TNRC6B: variants seen among roughly 807,000 people sequenced by gnomAD.
TNRC6B encodes the protein trinucleotide repeat containing adaptor 6B.
In TNRC6B, 52 loss-of-function variants were observed where a neutral mutation model predicts 203.6. The observed-to-expected ratio is 0.26, with a 90% CI of 0.20 to 0.32. The LOEUF is 0.32. Ranked by LOEUF, TNRC6B falls within the 10% of genes least tolerant of loss-of-function variation. The pLI is 1.00. For missense variants in TNRC6B, 1,923 were observed against 2,286.2 expected, an observed-to-expected ratio of 0.84 and a Z score of 3.24; for synonymous variants, 838 against 845.7, an observed-to-expected ratio of 0.99 and a Z score of 0.16.
intron 3 of TNRC6B, among the ~76,000 whole-genome samples, chr22:40,146,872 G>A (rs1474856720): frequency 6.6e-6 from 1 of 152,118 alleles, no homozygotes; most frequent in African/African-American, 2.4e-5. Context: ...AACAAGAAAC[G>A]TTTTCTAAGT....
intron 3 of TNRC6B, among the ~76,000 whole-genome samples, chr22:40,152,823 G>A (rs1373581484): frequency 7.2e-5 from 11 of 151,880 alleles, no homozygotes; most frequent in Admixed American, 2.0e-4. Context: ...TTTTATGGCC[G>A]GGTGTGGTGG....
At chr22:40,242,387 T>C (rs1021352814) in intron 1 of TNRC6B, among the ~76,000 whole-genome samples, 6 of 152,224 alleles carry the variant, frequency 3.9e-5, no homozygotes, top group Non-Finnish European at 7.3e-5. Flanking sequence ...GTGTAACTTA[T>C]TTTCTCAACA....
At chr22:40,083,341 G>C (rs1314372284) in intron 1 of TNRC6B, among the ~76,000 whole-genome samples, 6 of 152,200 alleles carry the variant, frequency 3.9e-5, no homozygotes, top group Non-Finnish European at 5.9e-5. Flanking sequence ...ACTGAATTGA[G>C]TGCTGCTGAA....
At chr22:40,159,963 C>G (rs2068857067) in intron 4 of TNRC6B, among the ~76,000 whole-genome samples, 1 of 151,950 alleles carries the variant, frequency 6.6e-6, no homozygotes, top group South Asian at 2.1e-4. Flanking sequence ...AGGTACATAC[C>G]ACCGTACCCA....
At chr22:40,073,398 T>C (rs944344140) in intron 1 of TNRC6B, among the ~76,000 whole-genome samples, 2 of 152,100 alleles carry the variant, frequency 1.3e-5, no homozygotes, top group African/African-American at 2.4e-5. Flanking sequence ...TTTTCTAATA[T>C]GGCTGGAAAC....
chr22:40,178,982 A>T (rs1385416447), intron 1 of TNRC6B, among the ~76,000 whole-genome samples: 1 of 152,164 alleles, frequency 6.6e-6, no homozygotes, highest in Non-Finnish European at 1.5e-5. Flanking sequence ...ACGAAATAAA[A>T]TTTTTGTTTA....
At chr22:40,290,257 G>A (rs578148123) in intron 12 of TNRC6B, among the ~76,000 whole-genome samples, 6 of 152,238 alleles carry the variant, frequency 3.9e-5, no homozygotes, top group Non-Finnish European at 5.9e-5. Flanking sequence ...AAATAGCCAC[G>A]TCTGGTTCAT....
At chr22:40,083,402 TA>T (rs1236736573) in intron 1 of TNRC6B, among the ~76,000 whole-genome samples, 2 of 152,162 alleles carry the variant, frequency 1.3e-5, no homozygotes, top group African/African-American at 4.8e-5. Flanking sequence ...TTGCTGATGA[TA>T]GGGGCAGAAG....
At chr22:40,127,216 G>A (rs1051176497) in intron 3 of TNRC6B, among the ~76,000 whole-genome samples, 11 of 152,068 alleles carry the variant, frequency 7.2e-5, no homozygotes, top group African/African-American at 2.7e-4. Flanking sequence ...TGGGAGCTCT[G>A]AAAACAACTC....
rs535747312 is a variant in TNRC6B at position 40,229,380 on chromosome 22, C to CG, written c.6-16631dup. On this transcript the variant is annotated intron_variant, in intron 1 of 22. Coordinates refer to ENST00000454349, the MANE Select transcript of TNRC6B (RefSeq NM_001162501.2). Reference sequence around the variant, plus strand: ...TCAACTGATAAAGGGATCTCACTTACGGGGCTGTGTCATTCAGGGTTCTGC... The same window carrying CG: ...TCAACTGATAAAGGGATCTCACTTACGGGGGCTGTGTCATTCAGGGTTCTGC... Among the ~76,000 whole-genome samples the CG allele has an allele frequency of 2.1e-3, 326 of 151,936 alleles. 2 individuals are homozygous for CG. Among genetic ancestry groups the CG allele is most frequent in the African/African-American group, 6.8e-3 (280 of 41,412 alleles).
chr22:40,122,576 C>T (rs1048799171), intron 2 of TNRC6B, among the ~76,000 whole-genome samples: 1 of 152,142 alleles, frequency 6.6e-6, no homozygotes, highest in African/African-American at 2.4e-5. Context: ...CGTTGTTTCT[C>T]CTTCCAAACT....
intron 13 of TNRC6B, 157 bp downstream of exon 13, chr22:40,300,743 G>C: frequency 8.0e-7 from 1 of 1,245,924 alleles, no homozygotes; most frequent in South Asian, 1.5e-5. Flanking sequence ...AGGGTTGTCA[G>C]CTCAACTGGA....
chr22:40,244,740 A>G (rs1692998088), intron 1 of TNRC6B, among the ~76,000 whole-genome samples: 1 of 152,200 alleles, frequency 6.6e-6, no homozygotes, highest in African/African-American at 2.4e-5. Context: ...GGCCCTGGGA[A>G]CTAGATCTTT....
At chr22:40,125,793 A>C (rs1174795396) in exon 3 of TNRC6B, 1 of 1,606,304 alleles carries the variant, frequency 6.2e-7, no homozygotes, top group Admixed American at 1.7e-5. Flanking sequence ...GTGTTTCTGC[A>C]GAGTTTTGCA....
rs1005589596 is a variant in TNRC6B, at chr22:40,088,344, A to G, written c.-120-28711A>G. 3.9e-5 allele frequency among the ~76,000 whole-genome samples: 6 copies of G among 152,330 alleles called. No homozygotes were observed. In the South Asian group the frequency reaches 1.2e-3, roughly 32 times the overall value. On this transcript the variant is annotated intron_variant, in intron 1 of 23. Coordinates refer to the TNRC6B transcript ENST00000301923. ...GTGTTTGTGCTCTGTTCTTCCACTT[A>G]CTATGAATGCAAGAGCTTCTACATA... is the stretch of plus-strand genomic sequence containing the variant.
At chr22:40,306,286 C>T (rs1354023397) in intron 15 of TNRC6B, among the ~76,000 whole-genome samples, 3 of 151,728 alleles carry the variant, frequency 2.0e-5, no homozygotes, top group South Asian at 2.1e-4. Flanking sequence ...AGCGAGACTC[C>T]GTCTCAAAAA....
At chr22:40,047,005 T>A (rs2146258977) in intron 1 of TNRC6B, among the ~76,000 whole-genome samples, 1 of 152,266 alleles carries the variant, frequency 6.6e-6, no homozygotes, top group South Asian at 2.1e-4. Flanking sequence ...TAATATTAGC[T>A]AACATTTATT....
In TNRC6B at chr22:40,265,308, T is replaced by C; in HGVS notation, c.1078T>C (p.Ser360Pro). 4 of 1,614,032 alleles carry C rather than the reference T, an allele frequency of 2.5e-6. No individual in the cohort carries two copies. The highest frequency in any genetic ancestry group is 3.4e-6 in the Non-Finnish European group (4 of 1,179,902). The change falls in exon 5 of 23, where the codon TCT becomes CCT. Residue 360 changes from serine (S) to proline (P), a missense_variant. Ser to Pro is a moderately conservative substitution (Grantham distance 74, BLOSUM62 -1). Transcript: ENST00000454349. ...AAATGCGGGTGTTAATTTTGTTGTC[T>C]CTGGCAGAGAACAGGCTCAAATTCA... ...MENAGVNFVV[S>P]GREQAQIHNT... is the part of the protein sequence containing the mutation.
At chr22:40,068,543 C>G (rs985794091) in intron 1 of TNRC6B, among the ~76,000 whole-genome samples, 1 of 152,096 alleles carries the variant, frequency 6.6e-6, no homozygotes, top group African/African-American at 2.4e-5. Flanking sequence ...GTCTCGAACT[C>G]CTAGCCTCAG....
Sources: allele counts gnomAD v4.1 joint callset (sites outside exome capture counted in the v4.1 genomes callset), GRCh38; gene constraint gnomAD v4.1.1; transcripts MANE v1.5; gene names NCBI Gene and HGNC (gene_info 2026-07-23, HGNC 2026-07-21).